The following DCDC1 variants were observed in gnomAD, a reference collection of about 807,000 sequenced individuals.
The protein encoded by DCDC1 is doublecortin domain containing 1, also known as doublecortin domain-containing protein 1.
In DCDC1, 200 loss-of-function variants were observed where a neutral mutation model predicts 178.3. The ratio of observed to expected loss-of-function variants is 1.12; its 90% CI spans 1.00 to 1.26. The LOEUF is 1.26. DCDC1 is among the 50% of genes most tolerant of loss of function. DCDC1 has a pLI of 0.00. For missense variants in DCDC1, 1,983 were observed against 1,749.2 expected (o/e 1.13, Z -2.38); for synonymous variants, 690 against 604.8 (o/e 1.14, Z -2.07).
At chr11:31,069,801 A>G (rs1956447590) in intron 18 of DCDC1, among the ~76,000 whole-genome samples, 1 of 152,230 alleles carries the variant, frequency 6.6e-6, no homozygotes, top group Non-Finnish European at 1.5e-5. Context: ...AATACTAGAA[A>G]GAAGATGTAC....
At chr11:31,187,052 C>T (rs540541214) in intron 9 of DCDC1, among the ~76,000 whole-genome samples, 1 of 152,270 alleles carries the variant, frequency 6.6e-6, no homozygotes, top group South Asian at 2.1e-4. Flanking sequence ...TCATTCACTT[C>T]CTGATATTTT....
At chr11:31,198,989 T>C (rs1189932919) in intron 9 of DCDC1, among the ~76,000 whole-genome samples, 1 of 151,954 alleles carries the variant, frequency 6.6e-6, no homozygotes, top group Non-Finnish European at 1.5e-5. Flanking sequence ...ATTGACAACA[T>C]GTAGTTGTCA....
At chr11:31,049,971 C>T (rs984515783) in intron 20 of DCDC1, among the ~76,000 whole-genome samples, 1 of 152,170 alleles carries the variant, frequency 6.6e-6, no homozygotes, top group African/African-American at 2.4e-5. Flanking sequence ...AGCTGAACTT[C>T]GTAAAAATTT....
At chr11:31,035,702 C>T (rs1953980217) in intron 20 of DCDC1, among the ~76,000 whole-genome samples, 1 of 152,216 alleles carries the variant, frequency 6.6e-6, no homozygotes, top group Non-Finnish European at 1.5e-5. Context: ...AATACTTGGA[C>T]AACTTATATG....
At chr11:31,281,760 C>T (rs1010021468) in intron 7 of DCDC1, among the ~76,000 whole-genome samples, 4 of 152,138 alleles carry the variant, frequency 2.6e-5, no homozygotes, top group Non-Finnish European at 5.9e-5. Context: ...AACTGTTTCG[C>T]TTGGCTTTCG....
chr11:30,965,934 T>C (rs1273311750), intron 20 of DCDC1, among the ~76,000 whole-genome samples: 5 of 73,868 alleles, frequency 6.8e-5, no homozygotes, highest in Non-Finnish European at 1.1e-4. Flanking sequence ...CATGAACTCA[T>C]CATTTTTTAT....
chr11:30,948,839 T>C (rs758292355), intron 21 of DCDC1, among the ~76,000 whole-genome samples: 8 of 152,120 alleles, frequency 5.3e-5, no homozygotes, highest in Non-Finnish European at 1.0e-4. Flanking sequence ...CCTTACACCA[T>C]ATACAAAAAT....
intron 36 of DCDC1, chr11:30,883,028 T>C (rs988249281): frequency 1.3e-5 from 2 of 152,566 alleles, no homozygotes; most frequent in Non-Finnish European, 2.9e-5. Flanking sequence ...TATTGACACA[T>C]TTCTAGGGAC....
intron 3 of DCDC1, among the ~76,000 whole-genome samples, chr11:31,310,701 C>T (rs1207897549): frequency 6.6e-6 from 1 of 152,056 alleles, no homozygotes; most frequent in Non-Finnish European, 1.5e-5. Flanking sequence ...TGATTACATA[C>T]CCTTGCAAAG....
intron 9 of DCDC1, among the ~76,000 whole-genome samples, chr11:31,187,231 C>A (rs896426243): frequency 6.6e-6 from 1 of 152,140 alleles, no homozygotes; most frequent in Non-Finnish European, 1.5e-5. Context: ...ATGAATAAGA[C>A]CACAACAGCA....
chr11:31,195,720 C>G (rs1022493115), intron 9 of DCDC1, among the ~76,000 whole-genome samples: 5 of 151,938 alleles, frequency 3.3e-5, no homozygotes, highest in Non-Finnish European at 7.4e-5. Context: ...TGTATAGTGA[C>G]TTCCCCTACT....
At chr11:30,889,644 CA>C (rs1943604006) in intron 36 of DCDC1, among the ~76,000 whole-genome samples, 1 of 151,940 alleles carries the variant, frequency 6.6e-6, no homozygotes, top group African/African-American at 2.4e-5. Flanking sequence ...TAACTGATGA[CA>C]AAGAATCGCA....
At chr11:31,084,060 C>G (rs1957341309) in intron 17 of DCDC1, among the ~76,000 whole-genome samples, 1 of 152,080 alleles carries the variant, frequency 6.6e-6, no homozygotes, top group Non-Finnish European at 1.5e-5. Flanking sequence ...CATTAACAGT[C>G]AGATGCACAG....
intron 9 of DCDC1, among the ~76,000 whole-genome samples, chr11:31,153,859 GCACACA>G (rs56888014): frequency 0.011 from 1,546 of 137,992 alleles, 23 homozygotes; most frequent in African/African-American, 0.031. Context: ...ACAGTGTCAT[GCACACA>G]CACACACACA....
intron 22 of DCDC1, among the ~76,000 whole-genome samples, chr11:30,925,816 C>T (rs2134275725): frequency 6.6e-6 from 1 of 152,132 alleles, no homozygotes; most frequent in East Asian, 1.9e-4. Flanking sequence ...TTTTCCTTGG[C>T]TTTTTCTGAT....
rs1460483545 is a variant in DCDC1 at position 30,906,620 on chromosome 11, C to A, written c.4024G>T (p.Val1342Phe). 9 of 1,613,454 alleles carry A rather than the reference C, an allele frequency of 5.6e-6. No homozygotes were observed. Among genetic ancestry groups the A allele is most frequent in the Non-Finnish European group, 7.6e-6 (9 of 1,179,688 alleles). The change falls in exon 30 of 39, where the codon GTT (valine) becomes TTT (phenylalanine). Residue 1342 changes from valine (V) to phenylalanine (F), a missense_variant. Val to Phe is a conservative substitution (Grantham distance 50). Coordinates refer to ENST00000684477, the MANE Select transcript of DCDC1 (RefSeq NM_001387274.1). ...EKGLKQLLPG[V>F]PFLCISGTKT... ...GTGCCTGAAATACAGAGGAATGGAA[C>A]CCCTGGAAGCAATTGTTTCAGTCCT...
At chr11:31,123,888 T>TATTTTA (rs1187159330) in intron 11 of DCDC1, among the ~76,000 whole-genome samples, 19 of 152,236 alleles carry the variant, frequency 1.2e-4, no homozygotes, top group African/African-American at 4.6e-4. Flanking sequence ...AATATTCTTT[T>TATTTTA]ATTTTAATTA....
At position 30,899,690 on chromosome 11, in the gene DCDC1, G is replaced by A. The variant is rs181800402; in HGVS notation, c.4664-48C>T. On this transcript the variant is annotated intron_variant, in intron 33 of 38. Coordinates refer to ENST00000684477, the MANE Select transcript of DCDC1 (RefSeq NM_001387274.1). ...TATTTTATCAACAGTAATTTATCACGCGCACCAATAATTTATAAAGAACTT... is the reference window on the plus strand; with the variant it reads ...TATTTTATCAACAGTAATTTATCACACGCACCAATAATTTATAAAGAACTT... 272 of 1,273,104 alleles carry A rather than the reference G, an allele frequency of 2.1e-4. 1 individual carries two copies. In the East Asian group the frequency reaches 4.0e-3, roughly 19 times the overall value. The allele number at this position is 1,273,104 out of a possible 1,614,324, so 78.9% of individuals were successfully genotyped here.
At chr11:31,042,517 G>C (rs1280931703) in intron 20 of DCDC1, among the ~76,000 whole-genome samples, 1 of 151,892 alleles carries the variant, frequency 6.6e-6, no homozygotes, top group African/African-American at 2.4e-5. Flanking sequence ...TTCATTTTTA[G>C]TAGCAGGATA....
Sources: allele counts gnomAD v4.1 joint callset (sites outside exome capture counted in the v4.1 genomes callset), GRCh38; gene constraint gnomAD v4.1.1; transcripts MANE v1.5; gene names NCBI Gene and HGNC (gene_info 2026-07-23, HGNC 2026-07-21).